ESYT2: variants seen among roughly 807,000 people sequenced by gnomAD.
ESYT2 encodes the protein extended synaptotagmin-2.
Under a neutral mutation model 107.2 loss-of-function variants are expected in ESYT2, and 54 were observed. The observed-to-expected ratio is 0.50, with a 90% CI of 0.40 to 0.63. ESYT2 has a LOEUF of 0.63. Among genes scored for constraint, ESYT2 ranks in the 30% least tolerant of loss-of-function variants. The probability of loss-of-function intolerance (pLI) is 0.00; values close to 1 mark genes in which losing one functional copy is unlikely to be tolerated. For synonymous variants in ESYT2, 491 were observed against 434.1 expected (o/e 1.13, Z -1.63); for missense variants, 1,020 against 1,094.5 (o/e 0.93, Z 0.96).
chr7:158,792,764 G>GTT (rs35348712), intron 4 of ESYT2, among the ~76,000 whole-genome samples: 1,208 of 117,662 alleles, frequency 0.01, 33 homozygotes, highest in East Asian at 0.024. Flanking sequence ...ATAACGTGGG[G>GTT]TTTTTTTTTT....
chr7:158,783,873 C>T (rs993104600), intron 6 of ESYT2, among the ~76,000 whole-genome samples: 7 of 152,198 alleles, frequency 4.6e-5, no homozygotes, highest in Admixed American at 2.6e-4. Flanking sequence ...AAGGAAGCCC[C>T]GCCCCACCTT....
chr7:158,739,847 A>C (rs1837131510), intron 18 of ESYT2, among the ~76,000 whole-genome samples: 1 of 152,154 alleles, frequency 6.6e-6, no homozygotes, highest in Non-Finnish European at 1.5e-5. Flanking sequence ...GCTGCAGCAG[A>C]GATCGTTAAG....
chr7:158,740,977 T>A (rs955261865), intron 18 of ESYT2, among the ~76,000 whole-genome samples: 10 of 152,194 alleles, frequency 6.6e-5, no homozygotes, highest in African/African-American at 2.4e-4. Flanking sequence ...AAGCTTGTGA[T>A]AACTACAGAC....
At chr7:158,811,880 C>G (rs1840003072) in intron 1 of ESYT2, among the ~76,000 whole-genome samples, 1 of 152,238 alleles carries the variant, frequency 6.6e-6, no homozygotes, top group Non-Finnish European at 1.5e-5. Context: ...GGTACAGTCT[C>G]TTTCAAGAGG....
At chr7:158,741,456 C>CT (rs1837199249) in intron 18 of ESYT2, 67 bp downstream of exon 18, 1 of 1,420,476 alleles carries the variant, frequency 7.0e-7, no homozygotes, top group Non-Finnish European at 9.1e-7. Context: ...TTAAACGACT[C>CT]TCCCCCAGCG....
chr7:158,816,968 T>A (rs1284750304), intron 1 of ESYT2, among the ~76,000 whole-genome samples: 1 of 152,260 alleles, frequency 6.6e-6, no homozygotes, highest in African/African-American at 2.4e-5. Flanking sequence ...TAAAGATTTG[T>A]AGCACAAATG....
At chr7:158,796,224 C>T (rs906091483) in intron 3 of ESYT2, among the ~76,000 whole-genome samples, 1 of 152,166 alleles carries the variant, frequency 6.6e-6, no homozygotes, top group African/African-American at 2.4e-5. Flanking sequence ...GCATATAAAA[C>T]AATGTTACCT....
chr7:158,786,444 T>A (rs2129473159), intron 6 of ESYT2, among the ~76,000 whole-genome samples: 1 of 152,328 alleles, frequency 6.6e-6, no homozygotes, highest in African/African-American at 2.4e-5. Flanking sequence ...ACATTAATTT[T>A]AAATCTTATG....
chr7:158,796,049 G>A (rs1045610377), intron 3 of ESYT2, among the ~76,000 whole-genome samples: 10 of 152,290 alleles, frequency 6.6e-5, no homozygotes, highest in African/African-American at 2.4e-4. Context: ...CCCACTAACA[G>A]GTGGCAAATA....
chr7:158,798,646 C>CAAAAAAA (rs57351086), intron 2 of ESYT2, among the ~76,000 whole-genome samples: 1,312 of 49,930 alleles, frequency 0.026, 104 homozygotes, highest in Non-Finnish European at 0.033. Context: ...AGCTCCGTCT[C>CAAAAAAA]AAAAAAAAAA....
At chr7:158,738,619 T>TA (rs35261118) in intron 19 of ESYT2, among the ~76,000 whole-genome samples, 34,852 of 151,432 alleles carry the variant, frequency 0.23, 4,796 homozygotes, top group East Asian at 0.59. Context: ...CACACGTGGC[T>TA]AGTTTGTATT....
chr7:158,734,624 A>G (rs1313195395), intron 21 of ESYT2, among the ~76,000 whole-genome samples, 153 bp from the exon 22 acceptor site: 4 of 152,242 alleles, frequency 2.6e-5, no homozygotes, highest in Non-Finnish European at 4.4e-5. Flanking sequence ...CCTTGTCTCT[A>G]TTAAAAGTAA....
chr7:158,766,394 A>G (rs1020855902), intron 8 of ESYT2, among the ~76,000 whole-genome samples: 1 of 152,234 alleles, frequency 6.6e-6, no homozygotes, highest in East Asian at 1.9e-4. Flanking sequence ...TACTCAGAGC[A>G]TAAGAGGCTT....
At chr7:158,805,287 T>C (rs932819175) in intron 1 of ESYT2, among the ~76,000 whole-genome samples, 3 of 152,248 alleles carry the variant, frequency 2.0e-5, no homozygotes, top group African/African-American at 4.8e-5. Flanking sequence ...CTAGAGACTT[T>C]GGTCAGTATT....
At chr7:158,770,834 T>C (rs1838341045) in intron 7 of ESYT2, among the ~76,000 whole-genome samples, 1 of 152,050 alleles carries the variant, frequency 6.6e-6, no homozygotes, top group Non-Finnish European at 1.5e-5. Flanking sequence ...TATTTTTGTA[T>C]TACATATATA....
chr7:158,777,030 T>G (rs982857019), intron 6 of ESYT2, among the ~76,000 whole-genome samples: 3 of 151,702 alleles, frequency 2.0e-5, no homozygotes, highest in African/African-American at 7.3e-5. Context: ...TTTTTGTATT[T>G]TTTTTTTTTT....
intron 11 of ESYT2, among the ~76,000 whole-genome samples, chr7:158,760,996 A>C (rs1837941310): frequency 6.6e-6 from 1 of 152,216 alleles, no homozygotes; most frequent in South Asian, 2.1e-4. Context: ...AAGCCACCAC[A>C]AATGTTTCCT....
rs1456312271 is a variant in ESYT2 at position 158,732,874 on chromosome 7, A to G, written c.*1333T>C. ...GCATATAGCTTATAATATACACTTA[A>G]TCGTCTACATATGTGCATTCTTTCT... On this transcript the variant is annotated 3_prime_UTR_variant, in exon 23 of 23. Transcript: ENST00000275418. 1 of 152,282 alleles carries G rather than the reference A, an allele frequency of 6.6e-6. No individual in the cohort carries two copies. The highest frequency in any genetic ancestry group is 1.5e-5 in the Non-Finnish European group (1 of 68,044). 9.4% of individuals were successfully genotyped at this position (152,282 alleles called of 1,614,324 possible).
intron 4 of ESYT2, among the ~76,000 whole-genome samples, chr7:158,791,138 T>C (rs1839277137): frequency 6.6e-6 from 1 of 152,136 alleles, no homozygotes; most frequent in Admixed American, 6.5e-5. Flanking sequence ...GCAACCACCA[T>C]TCCGCTTCTG....
Sources: gnomAD v4.1 joint callset for allele counts (sites outside exome capture counted in the v4.1 genomes callset) on GRCh38, gnomAD v4.1.1 for gene constraint, MANE v1.5 for transcripts, NCBI Gene and HGNC (gene_info 2026-07-23, HGNC 2026-07-21) for gene names.